The following BTD variants were observed in gnomAD, a reference collection of about 807,000 sequenced individuals.
BTD encodes the protein biocytinase.
A neutral mutation model predicts 17.7 loss-of-function variants in BTD; 13 were observed. The observed-to-expected ratio is 0.74, with a 90% CI of 0.48 to 1.17. The LOEUF (loss-of-function observed/expected upper bound fraction) is 1.17, where lower values mean the gene tolerates loss of function less well. Among genes scored for constraint, BTD ranks in the 50% most tolerant of loss-of-function variants. BTD has a pLI of 0.00. For missense variants in BTD, 674 were observed against 650.4 expected (o/e 1.04, Z -0.39); for synonymous variants, 240 against 245.2 (o/e 0.98, Z 0.20).
intron 1 of BTD, among the ~76,000 whole-genome samples, chr3:15,627,267 T>A (rs2065089369): frequency 6.6e-6 from 1 of 152,194 alleles, no homozygotes; most frequent in Admixed American, 6.5e-5. Context: ...TTGCTGTTCC[T>A]CTTAAGACAG....
intron 1 of BTD, among the ~76,000 whole-genome samples, chr3:15,613,660 A>G (rs1356262580): frequency 1.3e-5 from 2 of 151,304 alleles, no homozygotes; most frequent in Non-Finnish European, 2.9e-5. Flanking sequence ...ATGTTTTGTC[A>G]CAGTTTTTAT....
chr3:15,656,884 A>T (rs1015847088), downstream of BTD, among the ~76,000 whole-genome samples: 3 of 152,236 alleles, frequency 2.0e-5, no homozygotes, highest in African/African-American at 4.8e-5. Flanking sequence ...TATGAAACGT[A>T]ATGGCTTGAA....
chr3:15,674,320 T>C (rs1391858555), intron 3 of BTD, among the ~76,000 whole-genome samples: 1 of 151,668 alleles, frequency 6.6e-6, no homozygotes, highest in Non-Finnish European at 1.5e-5. Flanking sequence ...GTGGAGTCAA[T>C]AGTATATGCT....
At chr3:15,612,221 T>C (rs1374385722) in intron 1 of BTD, among the ~76,000 whole-genome samples, 1 of 152,200 alleles carries the variant, frequency 6.6e-6, no homozygotes. Flanking sequence ...CATTCAAGGC[T>C]CTTGCCAGTT....
chr3:15,716,860 G>T (rs1288854458), downstream of BTD, among the ~76,000 whole-genome samples: 1 of 152,166 alleles, frequency 6.6e-6, no homozygotes, highest in Non-Finnish European at 1.5e-5. Context: ...GCTTGGGGAG[G>T]CCAAAGCGGA....
At chr3:15,670,435 G>C in intron 3 of BTD, 1 of 1,613,940 alleles carries the variant, frequency 6.2e-7, no homozygotes, top group Non-Finnish European at 8.5e-7. Flanking sequence ...AACGGTTAAT[G>C]GCATTGAATG....
At chr3:15,716,784 G>A (rs963832230), downstream of BTD, among the ~76,000 whole-genome samples, 16 of 152,160 alleles carry the variant, frequency 1.1e-4, no homozygotes, top group African/African-American at 3.1e-4. Flanking sequence ...TACATAGCAC[G>A]TTTCACGCAC....
chr3:15,641,047 AAGTG>A (rs2065488269), intron 2 of BTD, among the ~76,000 whole-genome samples: 1 of 152,240 alleles, frequency 6.6e-6, no homozygotes, highest in South Asian at 2.1e-4. Context: ...TAAACCCTGT[AAGTG>A]GAGAGCAGTG....
intron 4 of BTD, chr3:15,721,266 A>G: frequency 5.6e-6 from 4 of 715,252 alleles, no homozygotes; most frequent in Non-Finnish European, 9.3e-6. Context: ...GATAAGGCTT[A>G]TAATTCTAAA....
At chr3:15,643,985 T>A (rs186969816) in intron 3 of BTD, among the ~76,000 whole-genome samples, 2,071 of 131,868 alleles carry the variant, frequency 0.016, 40 homozygotes, top group African/African-American at 0.048. Context: ...TTTATTTATT[T>A]ATTTATTTAT....
chr3:15,707,552 C>A (rs2071621942), intron 3 of BTD, among the ~76,000 whole-genome samples: 1 of 152,208 alleles, frequency 6.6e-6, no homozygotes, highest in South Asian at 2.1e-4. Flanking sequence ...TCTACCCAAT[C>A]TTCTGATGAC....
chr3:15,689,037 T>G (rs1361928568), intron 3 of BTD, among the ~76,000 whole-genome samples: 1 of 152,238 alleles, frequency 6.6e-6, no homozygotes, highest in East Asian at 1.9e-4. Context: ...TAAACCCAAC[T>G]TCTAAGGCAG....
At chr3:15,625,439 T>A (rs1311604185) in intron 1 of BTD, among the ~76,000 whole-genome samples, 2 of 152,230 alleles carry the variant, frequency 1.3e-5, no homozygotes, top group African/African-American at 4.8e-5. Flanking sequence ...TTTTCTCCAG[T>A]CTTCATTGTG....
In BTD at chr3:15,689,914, AG is replaced by A. The variant is rs1198125716; in HGVS notation, c.400-20144del. On this transcript the variant is annotated intron_variant, in intron 3 of 3. Transcript: ENST00000672141. ...TCCATATATGATTTGAAAAAAAAAA[AG>A]GTCAAAATTTTAAAGACAATTAACT... 6 of 1,076,488 alleles carry A rather than the reference AG, an allele frequency of 5.6e-6. No individual in the cohort carries two copies. In the African/African-American group the frequency reaches 8.0e-5, roughly 14 times the overall value. The allele number at this position is 1,076,488 out of a possible 1,614,324, so 66.7% of individuals were successfully genotyped here.
At chr3:15,679,214 C>T (rs2067268552) in intron 3 of BTD, 1 of 1,283,066 alleles carries the variant, frequency 7.8e-7, no homozygotes. Flanking sequence ...AAGTCATCCT[C>T]CCACTTCAGC....
chr3:15,611,305 T>A (rs2064619994), intron 1 of BTD, among the ~76,000 whole-genome samples: 2 of 152,156 alleles, frequency 1.3e-5, no homozygotes, highest in Admixed American at 6.6e-5. Flanking sequence ...TAGAAGTCAT[T>A]TTGGAACCAC....
intron 3 of BTD, chr3:15,697,153 T>C (rs1232899442): frequency 6.6e-6 from 1 of 151,908 alleles, no homozygotes; most frequent in Non-Finnish European, 1.5e-5. Context: ...CAACCTGGAG[T>C]TGGAGATCAT....
At chr3:15,612,582 T>G (rs917821062) in intron 1 of BTD, among the ~76,000 whole-genome samples, 1 of 152,172 alleles carries the variant, frequency 6.6e-6, no homozygotes, top group Non-Finnish European at 1.5e-5. Flanking sequence ...TATCTGCCGA[T>G]GTTGATGTTC....
chr3:15,645,570 A>G lies in BTD; in HGVS notation c.*82A>G. On this transcript the variant is annotated 3_prime_UTR_variant, in exon 4 of 4. Transcript: ENST00000643237. ...TCCACAGGCTACAAGCCCTGGGACCATCTTTCTGCCTTAAGGGCAGGAGCC... is the reference window on the plus strand; with the variant it reads ...TCCACAGGCTACAAGCCCTGGGACCGTCTTTCTGCCTTAAGGGCAGGAGCC... The G allele has an allele frequency of 6.5e-7, 1 of 1,532,182 alleles. No homozygotes were observed. The highest frequency in any genetic ancestry group is 1.2e-5 in the South Asian group (1 of 86,672). 94.9% of individuals were successfully genotyped at this position (1,532,182 alleles called of 1,614,324 possible).
Sources: gnomAD v4.1 joint callset for allele counts (sites outside exome capture counted in the v4.1 genomes callset) on GRCh38, gnomAD v4.1.1 for gene constraint, MANE v1.5 for transcripts, NCBI Gene and HGNC (gene_info 2026-07-23, HGNC 2026-07-21) for gene names.